The following CRB1 variants were observed in gnomAD, a reference collection of about 807,000 sequenced individuals.
The protein encoded by CRB1 is crumbs cell polarity complex component 1.
Under a neutral mutation model 120.0 loss-of-function variants are expected in CRB1, and 83 were observed. That is an observed-to-expected ratio of 0.69 (90% confidence interval 0.58 to 0.83). The LOEUF (loss-of-function observed/expected upper bound fraction) is 0.83. Among genes scored for constraint, CRB1 ranks in the 40% least tolerant of loss-of-function variants. The probability of loss-of-function intolerance (pLI) is 0.00; values close to 1 mark genes in which losing one functional copy is unlikely to be tolerated. For missense variants in CRB1, 1,699 were observed against 1,687.6 expected (o/e 1.01, Z -0.12); for synonymous variants, 625 against 612.5 (o/e 1.02, Z -0.30).
At chr1:197,417,073 A>T (rs1193872922) in intron 5 of CRB1, among the ~76,000 whole-genome samples, 1 of 152,228 alleles carries the variant, frequency 6.6e-6, no homozygotes, top group Admixed American at 6.5e-5. Context: ...GAGTGGGTCT[A>T]TAAGGAGATT....
chr1:197,305,940 C>A (rs1657147412), intron 1 of CRB1, among the ~76,000 whole-genome samples: 1 of 151,378 alleles, frequency 6.6e-6, no homozygotes, highest in African/African-American at 2.4e-5. Flanking sequence ...CTGAGCAAGC[C>A]TGCAACATTA....
intron 11 of CRB1, chr1:197,444,552 T>G (rs922056371): frequency 4.6e-5 from 7 of 152,230 alleles, no homozygotes; most frequent in Admixed American, 1.3e-4. Context: ...ACTTATGTAC[T>G]TACAGGCTGT....
intron 5 of CRB1, among the ~76,000 whole-genome samples, chr1:197,364,331 CA>C (rs1553253703): frequency 6.6e-6 from 1 of 152,134 alleles, no homozygotes; most frequent in Non-Finnish European, 1.5e-5. Context: ...GTCTAATTTT[CA>C]GCAATTTATT....
chr1:197,259,983 TAAA>T, the CRB1 span, among the ~76,000 whole-genome samples: 8 of 131,156 alleles, frequency 6.1e-5, no homozygotes, highest in Admixed American at 7.7e-5. Context: ...GCCCCATGTC[TAAA>T]AAAAAAAAAA....
At chr1:197,422,090 C>A (rs1208055632) in intron 6 of CRB1, 134 bp downstream of exon 6, 9 of 786,018 alleles carry the variant, frequency 1.1e-5, no homozygotes, top group African/African-American at 1.7e-5. Flanking sequence ...TGGTTGCCCA[C>A]TGATGAGAAA....
upstream of CRB1, among the ~76,000 whole-genome samples, chr1:197,264,613 C>CTTTTTT (rs750805262): frequency 7.6e-6 from 1 of 131,062 alleles, no homozygotes; most frequent in Non-Finnish European, 1.7e-5. Flanking sequence ...GTGCATTCTT[C>CTTTTTT]TTTTTTTTTT....
At position 197,409,671 on chromosome 1, in the gene CRB1, G is replaced by A. The variant is rs373277390; in HGVS notation, c.1172-11329G>A. Among the ~76,000 whole-genome samples the A allele has an allele frequency of 9.6e-4, 146 of 152,288 alleles. 4 individuals carry two copies. The South Asian group carries it at 0.029, about 31-fold the overall frequency. The stretch of plus-strand genomic sequence containing the variant: ...ACAAGTTGGCTTGGTTTCATCATCT[G>A]TGAAATGCAGGTAGCAATACATGCT... On this transcript the variant is annotated intron_variant, in intron 5 of 11. Transcript: ENST00000367400.
At chr1:197,212,752 C>T in the CRB1 span, among the ~76,000 whole-genome samples, 1 of 152,072 alleles carries the variant, frequency 6.6e-6, no homozygotes, top group South Asian at 2.1e-4. Flanking sequence ...TACTGTATGA[C>T]AAGCCTAAAT....
intron 9 of CRB1, 34 bp from the exon 10 acceptor site, chr1:197,438,513 T>C (rs375742819): frequency 6.2e-7 from 1 of 1,610,120 alleles, no homozygotes; most frequent in South Asian, 1.1e-5. Flanking sequence ...ATGAACAAGA[T>C]GAACAGCTGT....
chr1:197,247,204 A>G, the CRB1 span, among the ~76,000 whole-genome samples: 1 of 152,062 alleles, frequency 6.6e-6, no homozygotes, highest in Admixed American at 6.6e-5. Context: ...TTCTTCTAGC[A>G]AAGTCTGCTA....
At chr1:197,450,967 A>C (rs1665942784) in intron 11 of CRB1, among the ~76,000 whole-genome samples, 1 of 149,766 alleles carries the variant, frequency 6.7e-6, no homozygotes, top group African/African-American at 2.4e-5. Context: ...CAAAAAAAAA[A>C]AAAAAAAAAA....
chr1:197,367,869 C>T (rs952471174), intron 5 of CRB1, among the ~76,000 whole-genome samples: 3 of 152,122 alleles, frequency 2.0e-5, no homozygotes, highest in South Asian at 2.1e-4. Context: ...CTTCAAACCT[C>T]GGGCAAAAAT....
chr1:197,349,279 TATAA>T (rs1405341180), intron 4 of CRB1, among the ~76,000 whole-genome samples: 11 of 152,224 alleles, frequency 7.2e-5, no homozygotes, highest in African/African-American at 2.7e-4. Flanking sequence ...TTTAGGTCTG[TATAA>T]GTACACTCTA....
chr1:197,282,980 A>G (rs1655612239), intron 1 of CRB1, among the ~76,000 whole-genome samples: 2 of 151,878 alleles, frequency 1.3e-5, no homozygotes, highest in African/African-American at 4.8e-5. Flanking sequence ...TAGTGAAGGT[A>G]CATTTTTTAA....
the CRB1 span, among the ~76,000 whole-genome samples, chr1:197,215,262 G>A: frequency 6.7e-6 from 1 of 148,154 alleles, no homozygotes; most frequent in South Asian, 2.2e-4. Flanking sequence ...ACATGGGAGG[G>A]AGCCAGTGGG....
chr1:197,357,020 C>A lies in CRB1; in HGVS notation c.1171+7C>A. 1.9e-6 allele frequency: 3 copies of A among 1,613,950 alleles called. No homozygotes were observed. In the South Asian group the frequency reaches 3.3e-5, roughly 18 times the overall value. On this transcript the variant is annotated splice_region_variant and intron_variant, in intron 5 of 11. Transcript: ENST00000367400. The stretch of plus-strand genomic sequence containing the variant: ...TGTCAGCCTGGATTCACAGGTGAGG[C>A]CAAGGAGATGGGATATGACTTGACT...
chr1:197,428,462 T>C (rs1056856391), intron 7 of CRB1, among the ~76,000 whole-genome samples: 11 of 152,236 alleles, frequency 7.2e-5, no homozygotes, highest in Admixed American at 6.5e-4. Context: ...AGTTGAAATC[T>C]TCCGAAATAT....
At chr1:197,444,797 G>C (rs1269479498) in intron 11 of CRB1, 1 of 152,006 alleles carries the variant, frequency 6.6e-6, no homozygotes, top group Non-Finnish European at 1.5e-5. Flanking sequence ...TATTTGCACA[G>C]AAAAATAAAA....
rs137853136 is a variant in CRB1, at chr1:197,442,284, G to A, written c.3997G>A (p.Glu1333Lys). 7.4e-6 allele frequency: 12 copies of A among 1,614,072 alleles called. No homozygotes were observed. The Middle Eastern group carries it at 6.6e-4, about 88-fold the overall frequency. Residue 1333 changes from glutamate (E) to lysine (K), a missense_variant, in exon 11 of 12, where the codon GAG (glutamate) becomes AAG (lysine). By Grantham distance (56) the Glu-to-Lys change is moderately conservative. Transcript: ENST00000367400. ...TGTTGCCTTTGCTGGCGAGCGCTGC[G>A]AGGTGGACGTAAGCAGCCTCTCCTT... ...CDVAFAGERC[E>K]VDLADDLISD...
Sources: allele counts gnomAD v4.1 joint callset (sites outside exome capture counted in the v4.1 genomes callset), GRCh38; gene constraint gnomAD v4.1.1; transcripts MANE v1.5; gene names NCBI Gene and HGNC (gene_info 2026-07-23, HGNC 2026-07-21).